SUFU: variants seen among roughly 807,000 people sequenced by gnomAD.
SUFU encodes SUFU negative regulator of hedgehog signaling, also known as suppressor of fused homolog.
In SUFU, 7 loss-of-function variants were observed where a neutral mutation model predicts 58.9. That is an observed-to-expected ratio of 0.12 (90% CI 0.07 to 0.22). The LOEUF is 0.22. SUFU is among the 10% of genes least tolerant of loss of function. SUFU has a pLI of 1.00. For synonymous variants in SUFU, 232 were observed against 254.8 expected, an observed-to-expected ratio of 0.91 and a Z score of 0.85; for missense variants, 451 against 641.3, an observed-to-expected ratio of 0.70 and a Z score of 3.20.
chr10:102,554,788 T>C (rs1386164410), intron 3 of SUFU, among the ~76,000 whole-genome samples: 1 of 152,228 alleles, frequency 6.6e-6, no homozygotes, highest in African/African-American at 2.4e-5. Context: ...TCATATTGGC[T>C]CTGCCAGTTA....
Position 102,615,302 on chromosome 10 carries a change from A to G in SUFU, c.1057A>G (p.Thr353Ala). The change falls in exon 9 of 12, where the codon ACG (threonine) becomes GCG (alanine). Residue 353 changes from threonine (T) to alanine (A), a missense_variant. Transcript: ENST00000369902. Reference sequence around the variant, plus strand: ...AGACAGCCTGGAAAGTGACAGCTCCACGGCCATCATTCCCCATGAGCTGAT... The same window carrying G: ...AGACAGCCTGGAAAGTGACAGCTCCGCGGCCATCATTCCCCATGAGCTGAT... ...RKDSLESDSS[T>A]AIIPHELIRT... 1 of 1,614,164 alleles carries G rather than the reference A, an allele frequency of 6.2e-7. No homozygotes were observed. Among genetic ancestry groups the G allele is most frequent in the Non-Finnish European group, 8.5e-7 (1 of 1,180,018 alleles).
chr10:102,536,151 G>C (rs2062737820), intron 2 of SUFU, among the ~76,000 whole-genome samples: 2 of 151,514 alleles, frequency 1.3e-5, no homozygotes, highest in Admixed American at 1.3e-4. Context: ...ATTTTTAGTG[G>C]AGACGGTTTC....
chr10:102,568,917 TATA>T (rs2063127665), intron 3 of SUFU, among the ~76,000 whole-genome samples: 1 of 9,138 alleles, frequency 1.1e-4, no homozygotes, highest in Non-Finnish European at 1.9e-4. Flanking sequence ...TATATATATA[TATA>T]CACATATATA....
chr10:102,566,638 G>T (rs868563986), intron 3 of SUFU, among the ~76,000 whole-genome samples: 1 of 151,904 alleles, frequency 6.6e-6, no homozygotes, highest in Admixed American at 6.6e-5. Context: ...GGTGGCGGGC[G>T]CCTGTAATCC....
chr10:102,539,485 CT>C (rs573231427), intron 2 of SUFU, among the ~76,000 whole-genome samples: 59 of 152,298 alleles, frequency 3.9e-4, no homozygotes, highest in African/African-American at 1.3e-3. Context: ...ATAGTTACTG[CT>C]TTTCCATTAA....
intron 3 of SUFU, among the ~76,000 whole-genome samples, chr10:102,587,274 A>G (rs1293281251): frequency 2.0e-5 from 3 of 151,932 alleles, no homozygotes; most frequent in Non-Finnish European, 4.4e-5. Context: ...TTTTTGCAGA[A>G]CCGCCGTACT....
rs541858690 is a variant in SUFU at position 102,610,392 on chromosome 10, C to CAA, written c.1023-4866_1023-4865dup. Among the ~76,000 whole-genome samples, 3 of 124,064 alleles carry CAA rather than the reference C, an allele frequency of 2.4e-5. 1 individual carries two copies. The highest frequency in any genetic ancestry group is 3.3e-5 in the Non-Finnish European group (2 of 61,382). 81.4% of individuals were successfully genotyped at this position (124,064 alleles called of 152,430 possible). A position where few individuals can be genotyped will look rare whatever the true frequency, so the allele number is the denominator to read the frequency against. ...TGGGCGTCGCAGCAAGACTCTGTCT[C>CAA]AAAAAAAAAAAGAAAAAGAGAAAAG... On this transcript the variant is annotated intron_variant, in intron 8 of 11. Transcript: ENST00000369902.
intron 2 of SUFU, among the ~76,000 whole-genome samples, chr10:102,527,088 C>T (rs1013563810): frequency 2.0e-5 from 3 of 150,174 alleles, no homozygotes; most frequent in East Asian, 3.9e-4. Context: ...CTGCAAGCTC[C>T]GCCTTCTGGT....
At chr10:102,511,168 A>C (rs2062396958) in intron 2 of SUFU, among the ~76,000 whole-genome samples, 1 of 151,288 alleles carries the variant, frequency 6.6e-6, no homozygotes, top group Non-Finnish European at 1.5e-5. Context: ...AATGAAAATA[A>C]ACAAAGTTTT....
chr10:102,504,928 A>C (rs970436657), intron 1 of SUFU, among the ~76,000 whole-genome samples: 10 of 152,034 alleles, frequency 6.6e-5, no homozygotes, highest in Non-Finnish European at 1.5e-5. Context: ...ATCAGGGCAA[A>C]GCTTTTGCTT....
chr10:102,568,934 A>C (rs1400792000), intron 3 of SUFU, among the ~76,000 whole-genome samples: 1 of 40,086 alleles, frequency 2.5e-5, no homozygotes, highest in Non-Finnish European at 5.1e-5. Flanking sequence ...ATATATATAT[A>C]TATATATATA....
Position 102,605,984 on chromosome 10 carries a change from C to G in SUFU, c.1022+6440C>G, listed in dbSNP as rs74998680. ...TAAAAGGAGTCTCAATGGTTCAGCT[C>G]CTCTCCTTTCCACCCATGCTGCCAC... On this transcript the variant is annotated intron_variant, in intron 8 of 11. Coordinates refer to ENST00000369902, the MANE Select transcript of SUFU (RefSeq NM_016169.4). 6.1e-3 allele frequency among the ~76,000 whole-genome samples: 934 copies of G among 152,324 alleles called. 10 individuals carry two copies. The highest frequency in any genetic ancestry group is 9.9e-3 in the Non-Finnish European group (675 of 68,040).
At position 102,627,088 on chromosome 10, in the gene SUFU, G is replaced by C; in HGVS notation, c.1297-87G>C. On this transcript the variant is annotated intron_variant, in intron 10 of 11. Transcript: ENST00000369902. ...ACAGTGAGCTCATCTCTCCTCCATG[G>C]TCAGAAGAGAGGTATAACGCTTGGT... 5 of 1,409,100 alleles carry C rather than the reference G, an allele frequency of 3.5e-6. No homozygotes were observed. In the South Asian group the frequency reaches 4.6e-5, roughly 13 times the overall value. 87.3% of individuals were successfully genotyped at this position (1,409,100 alleles called of 1,614,324 possible).
In SUFU at chr10:102,628,127, G is replaced by A. The variant is rs2063803154; in HGVS notation, c.1365+884G>A. Among the ~76,000 whole-genome samples the A allele has an allele frequency of 6.6e-6, 1 of 152,180 alleles. No homozygotes were observed. The highest frequency in any genetic ancestry group is 1.5e-5 in the Non-Finnish European group (1 of 68,022). ...TGGGGGAGAACTCCTTCGCCTCCCAGGGGCCAGGCTTTCTACCAAGAGGGA... is the reference window on the plus strand; with the variant it reads ...TGGGGGAGAACTCCTTCGCCTCCCAAGGGCCAGGCTTTCTACCAAGAGGGA... On this transcript the variant is annotated intron_variant, in intron 11 of 11. Coordinates refer to ENST00000369902, the MANE Select transcript of SUFU (RefSeq NM_016169.4). This position sits in a 1 kb window ranked among gnomAD's most constrained non-coding sequence, Gnocchi z 4.5.
intron 2 of SUFU, among the ~76,000 whole-genome samples, chr10:102,512,043 T>C (rs1480266594): frequency 6.6e-6 from 1 of 152,170 alleles, no homozygotes; most frequent in Non-Finnish European, 1.5e-5. Flanking sequence ...ACTGGGCTAT[T>C]CCACCTCTCT....
intron 10 of SUFU, 45 bp from the exon 11 acceptor site, chr10:102,627,130 A>G: frequency 1.9e-6 from 3 of 1,604,600 alleles, no homozygotes; most frequent in Non-Finnish European, 1.7e-6. Context: ...CAAAAAGATC[A>G]TACATTTAAA....
intron 2 of SUFU, among the ~76,000 whole-genome samples, chr10:102,530,551 T>G: frequency 6.7e-6 from 1 of 149,960 alleles, no homozygotes; most frequent in East Asian, 2.0e-4. Context: ...ACTCCTGGGC[T>G]CAAGTGGTCC....
At chr10:102,551,168 C>T (rs7089494) in intron 3 of SUFU, among the ~76,000 whole-genome samples, 6,610 of 152,300 alleles carry the variant, frequency 0.043, 458 homozygotes, top group African/African-American at 0.15. Context: ...GAGGCAGATC[C>T]ATAACTACCA....
At position 102,633,241 on chromosome 10, in the gene SUFU, A is replaced by G. The variant is rs73342651; in HGVS notation, c.*3086A>G. The G allele has an allele frequency of 6.8e-3, 1,588 of 233,172 alleles. 28 individuals are homozygous for G. The highest frequency in any genetic ancestry group is 0.031 in the African/African-American group (1,418 of 45,404). The allele number at this position is 233,172 out of a possible 1,614,324, so 14.4% of individuals were successfully genotyped here. On this transcript the variant is annotated 3_prime_UTR_variant, in exon 12 of 12. Coordinates refer to ENST00000369902, the MANE Select transcript of SUFU (RefSeq NM_016169.4). ...GTTACAAGTCAGGAGCCCTGTAGGGAGACCCCTCCTTTTGTACAAGTACCT... is the reference window on the plus strand; with the variant it reads ...GTTACAAGTCAGGAGCCCTGTAGGGGGACCCCTCCTTTTGTACAAGTACCT...
Sources: gnomAD v4.1 joint callset for allele counts (sites outside exome capture counted in the v4.1 genomes callset) on GRCh38, gnomAD v4.1.1 for gene constraint, Gnocchi (gnomAD v3.1) non-coding constraint, MANE v1.5 for transcripts, NCBI Gene and HGNC (gene_info 2026-07-23, HGNC 2026-07-21) for gene names.